The following CRTC1 variants were observed in gnomAD, a reference collection of about 807,000 sequenced individuals.
The protein encoded by CRTC1 is CREB regulated transcription coactivator 1.
CRTC1 carries 18 observed loss-of-function variants against 66.1 expected under a neutral mutation model. That is an observed-to-expected ratio of 0.27 (90% CI 0.19 to 0.40). CRTC1 has a LOEUF of 0.40. Among genes scored for constraint, CRTC1 ranks in the 10% least tolerant of loss-of-function variants. The pLI is 1.00. For missense variants in CRTC1, 669 were observed against 887.9 expected, an observed-to-expected ratio of 0.75 and a Z score of 3.13; for synonymous variants, 416 against 398.8, an observed-to-expected ratio of 1.04 and a Z score of -0.51.
intron 6 of CRTC1, 116 bp downstream of exon 6, chr19:18,753,701 C>T (rs1234810358): frequency 1.5e-6 from 1 of 681,846 alleles, no homozygotes; most frequent in African/African-American, 1.8e-5. Flanking sequence ...AGACAGGGAA[C>T]CTCACTCCGA....
intron 2 of CRTC1, chr19:18,744,047 C>T (rs2054172409): frequency 4.4e-6 from 7 of 1,587,968 alleles, no homozygotes; most frequent in Non-Finnish European, 6.0e-6. Flanking sequence ...TCCCACGCAT[C>T]CCGCCTTTGG....
chr19:18,711,120 C>T (rs548270651), intron 1 of CRTC1, among the ~76,000 whole-genome samples: 21 of 152,310 alleles, frequency 1.4e-4, no homozygotes, highest in Non-Finnish European at 2.5e-4. Flanking sequence ...GGGTGAGACC[C>T]GCATTCCCAG....
At chr19:18,708,360 GTGGGTTC>G (rs1401378526) in intron 1 of CRTC1, among the ~76,000 whole-genome samples, 1 of 152,182 alleles carries the variant, frequency 6.6e-6, no homozygotes, top group Non-Finnish European at 1.5e-5. Context: ...GAAGGGAGTT[GTGGGTTC>G]TGGAGGGGCT....
In CRTC1 at chr19:18,683,694, G is replaced by A; in HGVS notation, c.-9G>A. ...AGGAGGAGGAGGAGGAGGAGGTGGC[G>A]GCGAGAAGATGGCGACTTCGAACAA... On this transcript the variant is annotated 5_prime_UTR_variant, in exon 1 of 14. Coordinates refer to ENST00000321949, the MANE Select transcript of CRTC1 (RefSeq NM_015321.3). 3 of 1,395,312 alleles carry A rather than the reference G, an allele frequency of 2.2e-6. No individual in the cohort carries two copies. Among genetic ancestry groups the A allele is most frequent in the Non-Finnish European group, 2.9e-6 (3 of 1,049,656 alleles). The allele number at this position is 1,395,312 out of a possible 1,614,324, so 86.4% of individuals were successfully genotyped here.
In CRTC1 at chr19:18,777,082, C is replaced by T. The variant is rs761446842; in HGVS notation, c.1694-89C>T. On this transcript the variant is annotated intron_variant, in intron 13 of 13. Transcript: ENST00000321949. The surrounding 1 kb of genome is among the most constrained non-coding windows in gnomAD (Gnocchi z 5.5). ...TGCCAGCATACCCAGGGGACAGAGTCGCCCGGCGGGCATGCCTGGTCCGAC... is the reference window on the plus strand; with the variant it reads ...TGCCAGCATACCCAGGGGACAGAGTTGCCCGGCGGGCATGCCTGGTCCGAC... 2.4e-4 allele frequency: 178 copies of T among 747,358 alleles called. No individual in the cohort carries two copies. The highest frequency in any genetic ancestry group is 3.6e-4 in the Non-Finnish European group (153 of 429,586). 46.3% of individuals were successfully genotyped at this position (747,358 alleles called of 1,614,324 possible). A position where few individuals can be genotyped will look rare whatever the true frequency, so the allele number is the denominator to read the frequency against.
In CRTC1 at chr19:18,778,911, G is replaced by A. The variant is rs2055050589; in HGVS notation, c.*1529G>A. The A allele has an allele frequency of 4.3e-6, 1 of 231,488 alleles. No homozygotes were observed. Among genetic ancestry groups the A allele is most frequent in the African/African-American group, 2.2e-5 (1 of 45,230 alleles). The allele number at this position is 231,488 out of a possible 1,614,324, so 14.3% of individuals were successfully genotyped here. A position where few individuals can be genotyped will look rare whatever the true frequency, so the allele number is the denominator to read the frequency against. On this transcript the variant is annotated 3_prime_UTR_variant, in exon 14 of 14. Transcript: ENST00000321949. ...TGGCTGCCCCTTCTTGGCAGCTCAGGGTCGTGGCAGGTGGACTTGGAGACA... is the reference window on the plus strand; with the variant it reads ...TGGCTGCCCCTTCTTGGCAGCTCAGAGTCGTGGCAGGTGGACTTGGAGACA...
At chr19:18,746,108 C>A in intron 3 of CRTC1, 148 bp downstream of exon 3, 1 of 1,179,588 alleles carries the variant, frequency 8.5e-7, no homozygotes, top group Non-Finnish European at 1.2e-6. Context: ...GGCTTGATCT[C>A]AGGGCAGCCT....
At position 18,780,728 on chromosome 19, in the gene CRTC1, T is replaced by G; in HGVS notation, c.*3346T>G. ...TATTTTTTTAGAGATGGGGTCTTGC[T>G]GTGTTGCCCAGGCTGGTCTCGGACT... On this transcript the variant is annotated 3_prime_UTR_variant, in exon 14 of 14. Transcript: ENST00000321949. The G allele has an allele frequency of 4.6e-6, 1 of 216,474 alleles. No homozygotes were observed. Among genetic ancestry groups the G allele is most frequent in the Non-Finnish European group, 9.3e-6 (1 of 107,354 alleles). 13.4% of individuals were successfully genotyped at this position (216,474 alleles called of 1,614,324 possible). A position where few individuals can be genotyped will look rare whatever the true frequency, so the allele number is the denominator to read the frequency against.
intron 8 of CRTC1, among the ~76,000 whole-genome samples, chr19:18,763,338 T>G (rs1474943444): frequency 6.6e-6 from 1 of 152,124 alleles, no homozygotes; most frequent in African/African-American, 2.4e-5. Context: ...TGCCCTCAGG[T>G]GATCCGCCTG....
intron 2 of CRTC1, chr19:18,744,032 G>A: frequency 6.6e-7 from 1 of 1,522,094 alleles, no homozygotes; most frequent in East Asian, 2.3e-5. Flanking sequence ...CAGCCCGGGG[G>A]GAGGTCCCAC....
At chr19:18,687,620 C>T (rs1407784011) in intron 1 of CRTC1, among the ~76,000 whole-genome samples, 1 of 152,126 alleles carries the variant, frequency 6.6e-6, no homozygotes, top group East Asian at 1.9e-4. Flanking sequence ...GCCACACCTG[C>T]AGCCAGGTGA....
chr19:18,771,741 T>G lies in CRTC1; in HGVS notation c.1425+195T>G, dbSNP rs1180609120. ...CCAGGGCAGGAACCCCACAGGGTCCTTCCCAGGAGCCGCCAGAGCCTGCCT... is the reference window on the plus strand; with the variant it reads ...CCAGGGCAGGAACCCCACAGGGTCCGTCCCAGGAGCCGCCAGAGCCTGCCT... On this transcript the variant is annotated intron_variant, in intron 11 of 13. Transcript: ENST00000321949. The surrounding 1 kb of genome is among the most constrained non-coding windows in gnomAD (Gnocchi z 4.6). 1.3e-5 allele frequency among the ~76,000 whole-genome samples: 2 copies of G among 152,180 alleles called. No homozygotes were observed. Among genetic ancestry groups the G allele is most frequent in the African/African-American group, 4.8e-5 (2 of 41,442 alleles).
intron 1 of CRTC1, among the ~76,000 whole-genome samples, chr19:18,722,204 A>T (rs780240746): frequency 3.3e-5 from 5 of 152,170 alleles, no homozygotes; most frequent in Non-Finnish European, 5.9e-5. Context: ...ACGAGAAAAC[A>T]TGCCAAGCAG....
intron 1 of CRTC1, among the ~76,000 whole-genome samples, chr19:18,715,522 G>C (rs925348978): frequency 3.9e-5 from 6 of 152,188 alleles, no homozygotes; most frequent in Admixed American, 3.9e-4. Flanking sequence ...CAGGTGCCAG[G>C]GGTCAGGACT....
In CRTC1 at chr19:18,720,795, C is replaced by A. The variant is rs552353301; in HGVS notation, c.127-22115C>A. 1.4e-3 allele frequency among the ~76,000 whole-genome samples: 215 copies of A among 152,250 alleles called. No homozygotes were observed. In the South Asian group the frequency reaches 0.022, roughly 15 times the overall value. The stretch of plus-strand genomic sequence containing the variant: ...GGGATTGCAGGTGTGAGCTGCTGCA[C>A]CCGGCTGAGTTTTGGAATTCCCTCT... On this transcript the variant is annotated intron_variant, in intron 1 of 13. Coordinates refer to ENST00000321949, the MANE Select transcript of CRTC1 (RefSeq NM_015321.3).
At chr19:18,690,619 G>T (rs1412715693) in intron 1 of CRTC1, among the ~76,000 whole-genome samples, 1 of 152,158 alleles carries the variant, frequency 6.6e-6, no homozygotes, top group East Asian at 1.9e-4. Context: ...TGTAACCCGT[G>T]AATTGGACCT....
intron 6 of CRTC1, among the ~76,000 whole-genome samples, chr19:18,758,315 G>A (rs1448340699): frequency 6.6e-6 from 1 of 150,644 alleles, no homozygotes; most frequent in Non-Finnish European, 1.5e-5. Context: ...AGCTGAGATC[G>A]TGCCACTGCA....
intron 1 of CRTC1, among the ~76,000 whole-genome samples, chr19:18,719,929 G>A (rs1410594979): frequency 5.3e-5 from 8 of 152,246 alleles, no homozygotes; most frequent in African/African-American, 9.6e-5. Flanking sequence ...CAGCGTCGGC[G>A]TCGGGCTTCT....
rs146220523 is a variant in CRTC1, at chr19:18,775,768, C to T, written c.1640C>T (p.Ser547Leu). The T allele has an allele frequency of 1.1e-5, 18 of 1,611,312 alleles. No individual in the cohort carries two copies. Among genetic ancestry groups the T allele is most frequent in the Middle Eastern group, 1.6e-4 (1 of 6,066 alleles). ...LTGSHGSLPD[S>L]QQLGYASHSG... is the part of the protein sequence containing the mutation. ...GGCAGCCACGGGAGCCTGCCGGACTCGCAGCAACTGGGATACGCCAGCCAC... is the reference window on the plus strand; with the variant it reads ...GGCAGCCACGGGAGCCTGCCGGACTTGCAGCAACTGGGATACGCCAGCCAC... The change falls in exon 13 of 14, where the codon TCG becomes TTG. Residue 547 changes from serine (S) to leucine (L), a missense_variant. Transcript: ENST00000321949.
Sources: allele counts gnomAD v4.1 joint callset (sites outside exome capture counted in the v4.1 genomes callset), GRCh38; gene constraint gnomAD v4.1.1; non-coding constraint Gnocchi (gnomAD v3.1); transcripts MANE v1.5; gene names NCBI Gene and HGNC (gene_info 2026-07-23, HGNC 2026-07-21).